The following CCDC117 variants were observed in gnomAD, a reference collection of about 807,000 sequenced individuals.
CCDC117 encodes coiled-coil domain containing 117, also known as coiled-coil domain-containing protein 117.
CCDC117 carries 1 observed loss-of-function variant against 23.5 expected under a neutral mutation model. That is an observed-to-expected ratio of 0.04 (90% CI 0.02 to 0.20). The LOEUF (loss-of-function observed/expected upper bound fraction) is 0.20, where lower values mean the gene tolerates loss of function less well. Among genes scored for constraint, CCDC117 ranks in the 10% least tolerant of loss-of-function variants. CCDC117 has a pLI of 1.00. For missense variants in CCDC117, 383 were observed against 348.2 expected, an observed-to-expected ratio of 1.10 and a Z score of -0.80; for synonymous variants, 132 against 124.8, an observed-to-expected ratio of 1.06 and a Z score of -0.39.
chr22:28,777,787 GT>G (rs1569197748), intron 2 of CCDC117, among the ~76,000 whole-genome samples: 3 of 151,476 alleles, frequency 2.0e-5, no homozygotes, highest in Admixed American at 6.6e-5. Flanking sequence ...GATTACAGGC[GT>G]GAGCCACTGC....
intron 3 of CCDC117, among the ~76,000 whole-genome samples, chr22:28,781,666 A>G (rs2031340733): frequency 1.4e-5 from 2 of 141,320 alleles, no homozygotes; most frequent in African/African-American, 5.1e-5. Flanking sequence ...TGTTTTTTAG[A>G]TGGAGTTTTG....
At chr22:28,780,208 C>T (rs77984477) in intron 2 of CCDC117, among the ~76,000 whole-genome samples, 1,919 of 152,208 alleles carry the variant, frequency 0.013, 47 homozygotes, top group African/African-American at 0.044. Flanking sequence ...CAAATTTGTT[C>T]AGGATGTGAA....
intron 2 of CCDC117, 118 bp downstream of exon 2, chr22:28,773,896 CAG>C: frequency 1.3e-6 from 1 of 795,704 alleles, no homozygotes; most frequent in East Asian, 2.6e-5. Context: ...GAAAGAGACA[CAG>C]AAATTAGTGA....
At position 28,772,980 on chromosome 22, in the gene CCDC117, G is replaced by A; in HGVS notation, c.131G>A (p.Arg44Gln). The A allele has an allele frequency of 1.7e-6, 2 of 1,202,914 alleles. No homozygotes were observed. The highest frequency in any genetic ancestry group is 2.1e-6 in the Non-Finnish European group (2 of 969,092). The allele number at this position is 1,202,914 out of a possible 1,614,324, so 74.5% of individuals were successfully genotyped here. ...PGADGAELAP[R>Q]PGPRAVPSSP... ...GCTGACGGCGCCGAGTTGGCCCCGC[G>A]GCCGGGACCTCGCGCAGTCCCTAGC... The change falls in exon 1 of 5, where the codon CGG becomes CAG. Residue 44 changes from arginine to glutamine, a missense_variant. Physicochemically the swap from Arg to Gln is conservative, Grantham distance 43. Coordinates refer to ENST00000249064, the MANE Select transcript of CCDC117 (RefSeq NM_173510.4).
At chr22:28,775,295 A>G (rs1036987590) in intron 2 of CCDC117, among the ~76,000 whole-genome samples, 2 of 152,196 alleles carry the variant, frequency 1.3e-5, no homozygotes, top group African/African-American at 2.4e-5. Flanking sequence ...GTGGAATTCT[A>G]TCGTAGGACT....
Position 28,772,847 on chromosome 22 carries a change from G to T in CCDC117, c.-3G>T, listed in dbSNP as rs1272003758. 2 of 1,229,524 alleles carry T rather than the reference G, an allele frequency of 1.6e-6. No individual in the cohort carries two copies. The highest frequency in any genetic ancestry group is 2.0e-6 in the Non-Finnish European group (2 of 986,186). 76.2% of individuals were successfully genotyped at this position (1,229,524 alleles called of 1,614,324 possible). On this transcript the variant is annotated 5_prime_UTR_variant, in exon 1 of 5. Coordinates refer to ENST00000249064, the MANE Select transcript of CCDC117 (RefSeq NM_173510.4). ...CCGTCGCAGCCTCCTCGTCTCGCCG[G>T]CTATGGCTGCGCTCGGCCGGCCCTT...
At chr22:28,773,869 T>C in intron 2 of CCDC117, 91 bp downstream of exon 2, 1 of 966,458 alleles carries the variant, frequency 1.0e-6, no homozygotes, top group Non-Finnish European at 1.7e-6. Context: ...AGGTGAAACA[T>C]TAGATGAGTG....
At chr22:28,781,279 CTCAGAAAGACTAAG>C in intron 3 of CCDC117, 107 bp downstream of exon 3, 2 of 575,114 alleles carry the variant, frequency 3.5e-6, no homozygotes, top group Non-Finnish European at 3.2e-6. Flanking sequence ...TCCTTAGCCT[CTCAGAAAGACTAAG>C]TCAGATAATT....
At chr22:28,781,556 T>C (rs2031337405) in intron 3 of CCDC117, among the ~76,000 whole-genome samples, 1 of 59,258 alleles carries the variant, frequency 1.7e-5, no homozygotes, top group African/African-American at 1.5e-4. Flanking sequence ...TTTCACCGTT[T>C]TAGCCGGGAT....
chr22:28,783,368 G>A (rs1192844137), intron 3 of CCDC117, 140 bp from the exon 4 acceptor site: 2 of 720,152 alleles, frequency 2.8e-6, no homozygotes, highest in Non-Finnish European at 4.4e-6. Context: ...CTCAGGTATA[G>A]CCTCATTTTT....
rs778720828 is a variant in CCDC117 at position 28,772,732 on chromosome 22, T to TG, written c.-114dup. On this transcript the variant is annotated 5_prime_UTR_variant, in exon 1 of 5. Coordinates refer to ENST00000249064, the MANE Select transcript of CCDC117 (RefSeq NM_173510.4). Reference sequence around the variant, plus strand: ...GTGGAGGGTTCTAGAAGGCGTGACGTGGGGTCGAGAGCGGGATCCGAGGCT... The same window carrying TG: ...GTGGAGGGTTCTAGAAGGCGTGACGTGGGGGTCGAGAGCGGGATCCGAGGCT... 3.9e-6 allele frequency: 3 copies of TG among 773,342 alleles called. No individual in the cohort carries two copies. Among genetic ancestry groups the TG allele is most frequent in the Non-Finnish European group, 3.5e-6 (2 of 578,906 alleles). 47.9% of individuals were successfully genotyped at this position (773,342 alleles called of 1,614,324 possible). A position where few individuals can be genotyped will look rare whatever the true frequency, so the allele number is the denominator to read the frequency against.
intron 2 of CCDC117, among the ~76,000 whole-genome samples, chr22:28,779,272 G>A (rs1233179207): frequency 1.3e-5 from 2 of 152,012 alleles, no homozygotes; most frequent in African/African-American, 4.8e-5. Flanking sequence ...CGCAATCTTG[G>A]CTCACTGCAA....
In CCDC117 at chr22:28,783,628, G is replaced by A; in HGVS notation, c.585G>A (p.Lys195=). 6.2e-7 allele frequency: 1 copy of A among 1,613,410 alleles called. No individual in the cohort carries two copies. Among genetic ancestry groups the A allele is most frequent in the Non-Finnish European group, 8.5e-7 (1 of 1,179,744 alleles). The change falls in exon 4 of 5, where the codon AAG becomes AAA. Residue 195 remains lysine, a synonymous_variant. Coordinates refer to ENST00000249064, the MANE Select transcript of CCDC117 (RefSeq NM_173510.4). ...GGGAATTTGATGAAGTTTTTACAAA[G>A]AAAATGATTGAGTCTATGTAAGTTT... ...LKREFDEVFT[K]KMIESMSRPS... is the part of the protein sequence containing the mutation.
rs1404977996 is a variant in CCDC117, at chr22:28,781,330, G to GTTT, written c.464+160_464+162dup. Among the ~76,000 whole-genome samples, 216 of 37,652 alleles carry GTTT rather than the reference G, an allele frequency of 5.7e-3. 16 individuals carry two copies. Among genetic ancestry groups the GTTT allele is most frequent in the African/African-American group, 0.024 (161 of 6,796 alleles). The allele number at this position is 37,652 out of a possible 152,430, so 24.7% of individuals were successfully genotyped here. The stretch of plus-strand genomic sequence containing the variant: ...AAAGTGTATTCGTTTTTGTTTTTTT[G>GTTT]TTTTGTTTTTTTTTTTTTTTTTTTT... On this transcript the variant is annotated intron_variant, in intron 3 of 4. Coordinates refer to ENST00000249064, the MANE Select transcript of CCDC117 (RefSeq NM_173510.4).
chr22:28,784,885 T>C (rs1236800787), intron 4 of CCDC117, among the ~76,000 whole-genome samples: 1 of 151,914 alleles, frequency 6.6e-6, no homozygotes, highest in African/African-American at 2.4e-5. Context: ...ATTCTCCTGC[T>C]CAGCCTCCCG....
chr22:28,773,101 GGCGGGCGCGGGC>G, intron 1 of CCDC117, 67 bp downstream of exon 1: 1 of 826,730 alleles, frequency 1.2e-6, no homozygotes, highest in South Asian at 5.3e-5. Flanking sequence ...CGCCCCTCGC[GGCGGGCGCGGGC>G]AGGGGCGCGG....
chr22:28,780,995 G>T lies in CCDC117; in HGVS notation c.287G>T (p.Gly96Val), dbSNP rs750838648. The T allele has an allele frequency of 6.2e-7, 1 of 1,614,034 alleles. No homozygotes were observed. Among genetic ancestry groups the T allele is most frequent in the South Asian group, 1.1e-5 (1 of 91,076 alleles). ...KRITEAELCAGPNDWILCAHQ... is the reference protein window; with the variant it reads ...KRITEAELCAVPNDWILCAHQ... The stretch of plus-strand genomic sequence containing the variant: ...ATAACTGAAGCAGAGCTCTGTGCTG[G>T]TCCTAATGACTGGATTCTTTGTGCA... Residue 96 changes from glycine (G) to valine (V), a missense_variant, in exon 3 of 5, where the codon GGT (glycine) becomes GTT (valine). By Grantham distance (109) the Gly-to-Val change is moderately radical (BLOSUM62 -3). Transcript: ENST00000249064.
At position 28,780,723 on chromosome 22, in the gene CCDC117, A is replaced by T. The variant is rs1015382571; in HGVS notation, c.240-225A>T. Among the ~76,000 whole-genome samples the T allele has an allele frequency of 2.4e-4, 36 of 152,356 alleles. 3 individuals carry two copies. The South Asian group carries it at 4.1e-3, about 18-fold the overall frequency. ...TTGAACACTTACTGTCTGAACAGGC[A>T]GAATCTTACAGGTGCATCTTTATTT... On this transcript the variant is annotated intron_variant, in intron 2 of 4. Coordinates refer to ENST00000249064, the MANE Select transcript of CCDC117 (RefSeq NM_173510.4).
intron 2 of CCDC117, among the ~76,000 whole-genome samples, chr22:28,778,361 A>G (rs1190147524): frequency 6.6e-6 from 1 of 151,958 alleles, no homozygotes; most frequent in Non-Finnish European, 1.5e-5. Context: ...TAATCCTAGC[A>G]CTTTGGGAGG....
Sources: allele counts gnomAD v4.1 joint callset (sites outside exome capture counted in the v4.1 genomes callset), GRCh38; gene constraint gnomAD v4.1.1; transcripts MANE v1.5; gene names NCBI Gene and HGNC (gene_info 2026-07-23, HGNC 2026-07-21).